The following RUNX2 variants were observed in gnomAD, a reference collection of about 807,000 sequenced individuals.
RUNX2 encodes the protein RUNX family transcription factor 2, also known as runt-related transcription factor 2.
A neutral mutation model predicts 51.7 loss-of-function variants in RUNX2; 10 were observed. That is an observed-to-expected ratio of 0.19 (90% CI 0.12 to 0.33). RUNX2 has a LOEUF of 0.33. RUNX2 is among the 10% of genes least tolerant of loss of function. RUNX2 has a pLI of 1.00. For synonymous variants in RUNX2, 276 were observed against 273.6 expected (o/e 1.01, Z -0.09); for missense variants, 562 against 691.3 (o/e 0.81, Z 2.10).
rs1388461371 is a variant in RUNX2 at position 45,469,320 on chromosome 6, T to C, written c.686-22621T>C. ...GTTTATCGGGTAAATGAATGGTTAA[T>C]TTTAAAAGAATATTTGTAAAGAAAA... is the stretch of plus-strand genomic sequence containing the variant. On this transcript the variant is annotated intron_variant, in intron 5 of 8. Coordinates refer to ENST00000647337, the MANE Select transcript of RUNX2 (RefSeq NM_001024630.4). Among the ~76,000 whole-genome samples, 5 of 152,232 alleles carry C rather than the reference T, an allele frequency of 3.3e-5. No homozygotes were observed. In the East Asian group the frequency reaches 9.6e-4, roughly 29 times the overall value.
chr6:45,350,284 A>G (rs186003268), intron 2 of RUNX2, among the ~76,000 whole-genome samples: 12 of 152,340 alleles, frequency 7.9e-5, no homozygotes, highest in Admixed American at 1.3e-4. Flanking sequence ...GAATAAACAA[A>G]AAACATTTGT....
chr6:45,534,001 T>A (rs888395217), intron 7 of RUNX2, among the ~76,000 whole-genome samples: 7 of 151,584 alleles, frequency 4.6e-5, no homozygotes, highest in African/African-American at 1.7e-4. Flanking sequence ...TTCAAGTGAT[T>A]CTCATGCCTC....
In RUNX2 at chr6:45,491,429, A is replaced by G. The variant is rs573914125; in HGVS notation, c.686-512A>G. Among the ~76,000 whole-genome samples the G allele has an allele frequency of 6.6e-5, 10 of 152,188 alleles. No individual in the cohort carries two copies. In the South Asian group the frequency reaches 1.2e-3, roughly 19 times the overall value. ...AATTTTCCAGAAAAGAGTCTTAGTA[A>G]AGAGTAGTTGTAACGTTAAAGAAAA... On this transcript the variant is annotated intron_variant, in intron 5 of 8. Transcript: ENST00000647337.
intron 2 of RUNX2, among the ~76,000 whole-genome samples, chr6:45,342,147 G>A (rs963762238): frequency 6.6e-6 from 1 of 152,074 alleles, no homozygotes. Flanking sequence ...GGTTGATGGT[G>A]CCAATGATCA....
intron 2 of RUNX2, among the ~76,000 whole-genome samples, chr6:45,393,049 T>G (rs958916156): frequency 6.6e-6 from 1 of 152,196 alleles, no homozygotes; most frequent in Non-Finnish European, 1.5e-5. Context: ...TTCCTTTTAT[T>G]GTTTCCTAGG....
intron 5 of RUNX2, among the ~76,000 whole-genome samples, chr6:45,452,922 G>A (rs1799215618): frequency 6.6e-6 from 1 of 152,108 alleles, no homozygotes; most frequent in Non-Finnish European, 1.5e-5. Context: ...TAGACCCTTA[G>A]CCACTACACT....
chr6:45,450,287 C>G (rs921699974), intron 5 of RUNX2, among the ~76,000 whole-genome samples: 6 of 152,220 alleles, frequency 3.9e-5, no homozygotes, highest in African/African-American at 1.4e-4. Context: ...TCCCCCAACC[C>G]TGTCCCACCA....
At chr6:45,480,559 T>C (rs771046108) in intron 5 of RUNX2, among the ~76,000 whole-genome samples, 1 of 152,198 alleles carries the variant, frequency 6.6e-6, no homozygotes, top group Non-Finnish European at 1.5e-5. Flanking sequence ...CCTGAGAGGG[T>C]AACCACAGAG....
chr6:45,480,136 T>A (rs115369694), intron 5 of RUNX2, among the ~76,000 whole-genome samples: 1,542 of 152,332 alleles, frequency 0.01, 23 homozygotes, highest in African/African-American at 0.032. Context: ...CAATTATCTG[T>A]CTATCAAGAC....
chr6:45,497,186 G>A (rs1248075330), intron 6 of RUNX2, among the ~76,000 whole-genome samples: 1 of 152,218 alleles, frequency 6.6e-6, no homozygotes, highest in Non-Finnish European at 1.5e-5. Context: ...CTAGGTTGCA[G>A]CGTTCCCTTT....
At chr6:45,542,660 C>T (rs190806639) in intron 7 of RUNX2, among the ~76,000 whole-genome samples, 39 of 152,318 alleles carry the variant, frequency 2.6e-4, no homozygotes, top group African/African-American at 8.9e-4. Flanking sequence ...TGGGGCAACA[C>T]TTAGGCAGTA....
intron 2 of RUNX2, among the ~76,000 whole-genome samples, chr6:45,330,594 C>T (rs1418991885): frequency 6.6e-6 from 1 of 151,984 alleles, no homozygotes; most frequent in Non-Finnish European, 1.5e-5. Flanking sequence ...AAAATTCTCA[C>T]AAAGAATATA....
At chr6:45,436,773 A>G (rs369078067) in intron 4 of RUNX2, among the ~76,000 whole-genome samples, 11 of 152,212 alleles carry the variant, frequency 7.2e-5, no homozygotes, top group Admixed American at 7.2e-4. Context: ...AAAAGACTGC[A>G]TTAAACTTTG....
intron 2 of RUNX2, among the ~76,000 whole-genome samples, chr6:45,392,251 T>A (rs1418549421): frequency 6.6e-6 from 1 of 152,218 alleles, no homozygotes; most frequent in Admixed American, 6.5e-5. Flanking sequence ...ATGCCTGTAA[T>A]CCCAGCACTT....
intron 7 of RUNX2, among the ~76,000 whole-genome samples, chr6:45,517,286 A>C (rs528341125): frequency 6.6e-6 from 1 of 152,040 alleles, no homozygotes; most frequent in South Asian, 2.1e-4. Flanking sequence ...AGCTTAAACA[A>C]TTCCCCCATC....
chr6:45,384,428 G>A (rs546357798), intron 2 of RUNX2, among the ~76,000 whole-genome samples: 1 of 152,022 alleles, frequency 6.6e-6, no homozygotes, highest in African/African-American at 2.4e-5. Context: ...GGGACTACGG[G>A]CATGCACCAC....
chr6:45,454,821 A>C (rs1799274976), intron 5 of RUNX2, among the ~76,000 whole-genome samples: 1 of 152,072 alleles, frequency 6.6e-6, no homozygotes, highest in Non-Finnish European at 1.5e-5. Flanking sequence ...CTTCAGGAAA[A>C]CACAGTCTCA....
At chr6:45,369,976 G>A (rs967140597) in intron 2 of RUNX2, among the ~76,000 whole-genome samples, 1 of 152,104 alleles carries the variant, frequency 6.6e-6, no homozygotes, top group Non-Finnish European at 1.5e-5. Flanking sequence ...GGTAGCAAGA[G>A]GGCAGATCTT....
intron 2 of RUNX2, among the ~76,000 whole-genome samples, chr6:45,399,077 G>A (rs1797641792): frequency 6.6e-6 from 1 of 152,024 alleles, no homozygotes; most frequent in Non-Finnish European, 1.5e-5. Flanking sequence ...GAGTTGCTGG[G>A]ACTCAATTAG....
Sources: allele counts gnomAD v4.1 joint callset (sites outside exome capture counted in the v4.1 genomes callset), GRCh38; gene constraint gnomAD v4.1.1; transcripts MANE v1.5; gene names NCBI Gene and HGNC (gene_info 2026-07-23, HGNC 2026-07-21).